The following TCF24 variants were observed in gnomAD, a reference collection of about 807,000 sequenced individuals.
TCF24 encodes transcription factor 24.
Under a neutral mutation model 9.3 loss-of-function variants are expected in TCF24, and 5 were observed. The observed-to-expected ratio is 0.54, with a 90% CI of 0.28 to 1.13. The LOEUF is 1.13. Ranked by LOEUF, TCF24 falls within the 50% of genes most tolerant of loss-of-function variation. The probability of loss-of-function intolerance (pLI) is 0.09; values close to 1 mark genes in which losing one functional copy is unlikely to be tolerated. For missense variants in TCF24, 220 were observed against 236.1 expected, an observed-to-expected ratio of 0.93 and a Z score of 0.45; for synonymous variants, 110 against 115.8, an observed-to-expected ratio of 0.95 and a Z score of 0.32.
chr8:66,958,683 CTTAA>C (rs2130901985), intron 3 of TCF24, among the ~76,000 whole-genome samples: 1 of 152,166 alleles, frequency 6.6e-6, no homozygotes, highest in African/African-American at 2.4e-5. Flanking sequence ...CAAAAAAGCA[CTTAA>C]TTAAGTGACT....
At chr8:66,949,914 G>T (rs1209287919) in intron 3 of TCF24, among the ~76,000 whole-genome samples, 2 of 143,890 alleles carry the variant, frequency 1.4e-5, no homozygotes, top group Admixed American at 7.1e-5. Context: ...CTTTTGAGAA[G>T]TGTCTGTTCA....
chr8:66,956,714 T>C (rs1355841168), intron 3 of TCF24, among the ~76,000 whole-genome samples: 1 of 152,310 alleles, frequency 6.6e-6, no homozygotes, highest in Non-Finnish European at 1.5e-5. Context: ...TATCAAGATC[T>C]GGCATTGTTA....
chr8:66,962,111 T>C (rs1814268739), intron 1 of TCF24, 124 bp from the exon 2 acceptor site: 1 of 152,514 alleles, frequency 6.6e-6, no homozygotes, highest in African/African-American at 2.4e-5. Context: ...TCGTTCGCGC[T>C]TGGGTGACTT....
intron 3 of TCF24, among the ~76,000 whole-genome samples, chr8:66,958,722 TA>T (rs1196769219): frequency 6.6e-6 from 1 of 152,212 alleles, no homozygotes; most frequent in African/African-American, 2.4e-5. Flanking sequence ...CCCTGTTATC[TA>T]TTTTTTTCAA....
At chr8:66,958,528 T>C (rs1437627872) in intron 3 of TCF24, among the ~76,000 whole-genome samples, 3 of 151,964 alleles carry the variant, frequency 2.0e-5, no homozygotes, top group Non-Finnish European at 4.4e-5. Flanking sequence ...AGGTGTGGTA[T>C]TGCACGCCTA....
chr8:66,961,562 A>C lies in TCF24; in HGVS notation c.204T>G (p.Ala68=). The change falls in exon 3 of 4, where the codon GCT becomes GCG. Residue 68 remains alanine, a synonymous_variant. Transcript: ENST00000563496. ...GCAGCGTGCGCTGCAGCTCCAGGAA[A>C]GCGTGCCGCAGGGTCTGCACCCGGC... ...ERSRVQTLRH[A]FLELQRTLPS... is the part of the protein sequence containing the mutation. 1 of 1,496,724 alleles carries C rather than the reference A, an allele frequency of 6.7e-7. No individual in the cohort carries two copies. The highest frequency in any genetic ancestry group is 8.8e-7 in the Non-Finnish European group (1 of 1,130,264). 92.7% of individuals were successfully genotyped at this position (1,496,724 alleles called of 1,614,324 possible). A position where few individuals can be genotyped will look rare whatever the true frequency, so the allele number is the denominator to read the frequency against.
At chr8:66,956,975 C>T (rs994378404) in intron 3 of TCF24, among the ~76,000 whole-genome samples, 18 of 151,642 alleles carry the variant, frequency 1.2e-4, no homozygotes, top group African/African-American at 4.4e-4. Context: ...GAGACTGAGG[C>T]GGGCAGATTA....
intron 3 of TCF24, among the ~76,000 whole-genome samples, chr8:66,958,027 G>C (rs1814190856): frequency 6.6e-6 from 1 of 150,918 alleles, no homozygotes; most frequent in Non-Finnish European, 1.5e-5. Flanking sequence ...TTGTATATGT[G>C]AAATTGTGCC....
At chr8:66,955,907 AT>A (rs1160230085) in intron 3 of TCF24, among the ~76,000 whole-genome samples, 1 of 151,970 alleles carries the variant, frequency 6.6e-6, no homozygotes, top group African/African-American at 2.4e-5. Context: ...CAAAGTCCTA[AT>A]TTTTATTTTT....
In TCF24 at chr8:66,948,105, A is replaced by G. The variant is rs1813991147; in HGVS notation, c.450T>C (p.Ser150=). The change falls in exon 4 of 4, where the codon TCT becomes TCC. Residue 150 remains serine, a synonymous_variant. Transcript: ENST00000563496. The part of the protein sequence containing the change: ...IGATGQFLKH[S]VSGEKTNHDN... ...CATGATTTGTTTTTTCTCCAGAAACAGAATGCTTCAGAAACTGACCAGTAG... is the reference window on the plus strand; with the variant it reads ...CATGATTTGTTTTTTCTCCAGAAACGGAATGCTTCAGAAACTGACCAGTAG... 6.5e-7 allele frequency: 1 copy of G among 1,535,286 alleles called. No homozygotes were observed. The highest frequency in any genetic ancestry group is 1.4e-5 in the African/African-American group (1 of 73,062).
intron 3 of TCF24, 21 bp downstream of exon 3, chr8:66,961,355 C>A (rs1233892221): frequency 1.5e-5 from 22 of 1,435,604 alleles, no homozygotes; most frequent in Non-Finnish European, 1.8e-5. Flanking sequence ...CCCAGCCCCG[C>A]GGTGCGCCCC....
intron 3 of TCF24, among the ~76,000 whole-genome samples, chr8:66,958,617 C>A (rs1296652026): frequency 6.6e-6 from 1 of 152,130 alleles, no homozygotes; most frequent in East Asian, 1.9e-4. Context: ...GCTGAGATCG[C>A]ACCACTGCAC....
At chr8:66,961,213 G>A (rs1466893715) in intron 3 of TCF24, among the ~76,000 whole-genome samples, 163 bp downstream of exon 3, 1 of 152,170 alleles carries the variant, frequency 6.6e-6, no homozygotes, top group African/African-American at 2.4e-5. Flanking sequence ...TTCGCGGCGG[G>A]GACCTTGCCA....
chr8:66,958,825 T>A (rs1007600741), intron 3 of TCF24, among the ~76,000 whole-genome samples: 4 of 152,218 alleles, frequency 2.6e-5, no homozygotes, highest in Non-Finnish European at 4.4e-5. Context: ...AGATCTGAAA[T>A]ACACTCCTGT....
At chr8:66,958,262 A>C (rs918364625) in intron 3 of TCF24, among the ~76,000 whole-genome samples, 1 of 152,226 alleles carries the variant, frequency 6.6e-6, no homozygotes, top group Non-Finnish European at 1.5e-5. Context: ...AGTTTGTTTC[A>C]GGATTGTGCA....
chr8:66,958,676 A>C (rs1216190068), intron 3 of TCF24, among the ~76,000 whole-genome samples: 1 of 152,142 alleles, frequency 6.6e-6, no homozygotes, highest in African/African-American at 2.4e-5. Flanking sequence ...ACAACAACAA[A>C]AAAGCACTTA....
chr8:66,961,850 G>A, intron 2 of TCF24, 27 bp downstream of exon 2: 2 of 998,580 alleles, frequency 2.0e-6, no homozygotes, highest in Non-Finnish European at 2.4e-6. Flanking sequence ...GAGAGGCGCA[G>A]CCCCCTGGTT....
Position 66,961,705 on chromosome 8 carries a change from C to T in TCF24, c.61G>A (p.Ala21Thr), listed in dbSNP as rs1814258634. 2.7e-6 allele frequency: 3 copies of T among 1,091,938 alleles called. No individual in the cohort carries two copies. The highest frequency in any genetic ancestry group is 8.7e-5 in the South Asian group (2 of 22,922). 67.6% of individuals were successfully genotyped at this position (1,091,938 alleles called of 1,614,324 possible). Residue 21 changes from alanine (A) to threonine (T), a missense_variant, in exon 3 of 4, where the codon GCC becomes ACC. Coordinates refer to ENST00000563496, the MANE Select transcript of TCF24 (RefSeq NM_001193502.2). Reference protein sequence around the residue: ...LSASAEPAPLAAAIRDSRPGR... With the variant: ...LSASAEPAPLTAAIRDSRPGR... ...GGACGCGAGTCGCGGATGGCGGCGG[C>T]CAGGGGCGCGGGCTCGGCGCTGGCG...
intron 3 of TCF24, among the ~76,000 whole-genome samples, chr8:66,950,269 G>A (rs1814038080): frequency 6.6e-6 from 1 of 150,474 alleles, no homozygotes; most frequent in African/African-American, 2.4e-5. Context: ...AATCCATCTT[G>A]AATTGATTTT....
Sources: allele counts gnomAD v4.1 joint callset (sites outside exome capture counted in the v4.1 genomes callset), GRCh38; gene constraint gnomAD v4.1.1; transcripts MANE v1.5; gene names NCBI Gene and HGNC (gene_info 2026-07-23, HGNC 2026-07-21).